LAMA2: variants seen among roughly 807,000 people sequenced by gnomAD.
The protein encoded by LAMA2 is laminin subunit alpha-2.
LAMA2 carries 269 observed loss-of-function variants against 364.8 expected under a neutral mutation model. That is an observed-to-expected ratio of 0.74 (90% CI 0.67 to 0.82). LAMA2 has a LOEUF of 0.82. Ranked by LOEUF, LAMA2 falls within the 40% of genes least tolerant of loss-of-function variation. The pLI, the probability that LAMA2 is intolerant of heterozygous loss-of-function variation, is 0.00. For synonymous variants in LAMA2, 1,379 were observed against 1,370.6 expected, an observed-to-expected ratio of 1.01 and a Z score of -0.14; for missense variants, 3,807 against 3,873.2, an observed-to-expected ratio of 0.98 and a Z score of 0.45.
chr6:128,989,390 A>G (rs1026844566), intron 1 of LAMA2, among the ~76,000 whole-genome samples: 13 of 152,212 alleles, frequency 8.5e-5, no homozygotes, highest in African/African-American at 2.9e-4. Context: ...TAAAACATCA[A>G]TTTATAGAAT....
At chr6:129,173,391 G>A (rs1401871996) in intron 9 of LAMA2, among the ~76,000 whole-genome samples, 1 of 151,962 alleles carries the variant, frequency 6.6e-6, no homozygotes, top group East Asian at 1.9e-4. Context: ...TCTTTATCAT[G>A]TTCAAGAGAG....
At chr6:129,107,705 A>G (rs67392956) in intron 4 of LAMA2, among the ~76,000 whole-genome samples, 40,004 of 152,092 alleles carry the variant, frequency 0.26, 6,023 homozygotes, top group African/African-American at 0.42. Context: ...ATAAATTCAT[A>G]TATACTAATA....
At chr6:129,269,235 A>G (rs936712812) in intron 16 of LAMA2, among the ~76,000 whole-genome samples, 4 of 152,130 alleles carry the variant, frequency 2.6e-5, no homozygotes, top group Non-Finnish European at 5.9e-5. Flanking sequence ...ATTCAATGTC[A>G]CATGGGAAGA....
chr6:129,404,014 T>C (rs1780119650), intron 40 of LAMA2, 55 bp downstream of exon 40: 2 of 1,596,892 alleles, frequency 1.3e-6, no homozygotes, highest in South Asian at 2.2e-5. Flanking sequence ...TTTGAATTTT[T>C]CAAATGTAAG....
chr6:129,297,793 C>T lies in LAMA2; in HGVS notation c.2965C>T (p.Pro989Ser), dbSNP rs748288551. ...AGAGAGTGGACAATGTTGGTGCCAA[C>T]CTGGAGTCACAGGGAAGAAATGTGA... ...CEESGQCWCQ[P>S]GVTGKKCDRC... The change falls in exon 21 of 65, where the codon CCT (proline) becomes TCT (serine). Residue 989 changes from proline (P) to serine (S), a missense_variant. Coordinates refer to ENST00000421865, the MANE Select transcript of LAMA2 (RefSeq NM_000426.4). The T allele has an allele frequency of 1.9e-6, 3 of 1,614,054 alleles. No homozygotes were observed. Among genetic ancestry groups the T allele is most frequent in the East Asian group, 4.5e-5 (2 of 44,878 alleles).
At chr6:128,982,054 G>A (rs939754876) in intron 1 of LAMA2, among the ~76,000 whole-genome samples, 1 of 152,034 alleles carries the variant, frequency 6.6e-6, no homozygotes, top group African/African-American at 2.4e-5. Flanking sequence ...TGCTCCTTGA[G>A]GTAGCAAGGA....
chr6:128,992,009 G>A (rs116379702), intron 1 of LAMA2, among the ~76,000 whole-genome samples: 3,082 of 152,304 alleles, frequency 0.02, 116 homozygotes, highest in African/African-American at 0.071. Context: ...ATTGTAGTAT[G>A]TAGTATAGGA....
chr6:129,062,968 G>C (rs9321148), intron 3 of LAMA2, among the ~76,000 whole-genome samples: 72,501 of 144,242 alleles, frequency 0.5, 20,463 homozygotes, highest in East Asian at 0.81. Flanking sequence ...AGAAAAAATA[G>C]CAATTTGTTT....
chr6:129,255,404 T>TTAAAA (rs1355029872), intron 14 of LAMA2, among the ~76,000 whole-genome samples: 5 of 20,002 alleles, frequency 2.5e-4, no homozygotes, highest in Non-Finnish European at 4.3e-4. Flanking sequence ...AGACTCTGTC[T>TTAAAA]CAAAAAAAAA....
At chr6:128,907,577 C>T (rs1777574454) in intron 1 of LAMA2, among the ~76,000 whole-genome samples, 1 of 152,064 alleles carries the variant, frequency 6.6e-6, no homozygotes, top group African/African-American at 2.4e-5. Context: ...ATGTCGTCTG[C>T]AAAGAGGGAC....
intron 40 of LAMA2, among the ~76,000 whole-genome samples, chr6:129,420,135 A>G (rs1250018500): frequency 2.0e-5 from 3 of 152,138 alleles, no homozygotes; most frequent in Non-Finnish European, 4.4e-5. Flanking sequence ...TTCCTATGCA[A>G]ATAGTTTTTC....
intron 12 of LAMA2, among the ~76,000 whole-genome samples, chr6:129,205,955 G>A (rs775935606): frequency 2.0e-5 from 3 of 151,540 alleles, no homozygotes; most frequent in Non-Finnish European, 4.4e-5. Flanking sequence ...CTCCGGAGGC[G>A]GAGATTGCAG....
At chr6:129,328,215 C>T in intron 28 of LAMA2, 63 bp from the exon 29 acceptor site, 1 of 1,418,932 alleles carries the variant, frequency 7.0e-7, no homozygotes, top group Middle Eastern at 1.7e-4. Flanking sequence ...CACTGAAGAG[C>T]TCAAGCGTTG....
At chr6:128,977,267 T>TTTC (rs200656395) in intron 1 of LAMA2, among the ~76,000 whole-genome samples, 1,477 of 98,188 alleles carry the variant, frequency 0.015, 25 homozygotes, top group African/African-American at 0.075. Context: ...TTATTCTTTC[T>TTTC]TTTTTTTTTT....
At chr6:129,496,453 A>G (rs1490680364) in intron 58 of LAMA2, among the ~76,000 whole-genome samples, 1 of 152,180 alleles carries the variant, frequency 6.6e-6, no homozygotes, top group African/African-American at 2.4e-5. Context: ...GGCATGAGAC[A>G]CTGCGCCCGG....
intron 1 of LAMA2, among the ~76,000 whole-genome samples, chr6:128,936,681 C>G (rs1779832636): frequency 6.6e-6 from 1 of 152,158 alleles, no homozygotes; most frequent in Admixed American, 6.5e-5. Context: ...AATGTTGTCT[C>G]TCTCACTCCC....
At chr6:129,126,971 C>T (rs1004203315) in intron 4 of LAMA2, among the ~76,000 whole-genome samples, 10 of 152,100 alleles carry the variant, frequency 6.6e-5, no homozygotes, top group Non-Finnish European at 1.3e-4. Context: ...GGAGGTTGAG[C>T]TGGGAGGATT....
rs746548293 is a variant in LAMA2, at chr6:129,465,243, T to C, written c.7254T>C (p.Asn2418=). 36 of 1,611,584 alleles carry C rather than the reference T, an allele frequency of 2.2e-5. No individual in the cohort carries two copies. Among genetic ancestry groups the C allele is most frequent in the South Asian group, 1.1e-4 (10 of 91,038 alleles). The part of the protein sequence containing the change: ...MASVVSNQNH[N]DGKWKSFTLS... ...CCGTTGTCAGCAATCAAAACCATAA[T>C]GATGGGAAATGGAAATCATTCACTC... The change falls in exon 51 of 65, where the codon AAT becomes AAC. Residue 2418 remains asparagine (N), a synonymous_variant. Coordinates refer to ENST00000421865, the MANE Select transcript of LAMA2 (RefSeq NM_000426.4).
intron 1 of LAMA2, among the ~76,000 whole-genome samples, chr6:128,925,601 A>G (rs1023265652): frequency 1.3e-5 from 2 of 152,358 alleles, no homozygotes; most frequent in South Asian, 4.1e-4. Context: ...TTGCACAACA[A>G]TGTGAAGGTA....
Sources: allele counts gnomAD v4.1 joint callset (sites outside exome capture counted in the v4.1 genomes callset), GRCh38; gene constraint gnomAD v4.1.1; transcripts MANE v1.5; gene names NCBI Gene and HGNC (gene_info 2026-07-23, HGNC 2026-07-21).